The following CXXC4 variants were observed in gnomAD, a reference collection of about 807,000 sequenced individuals.
CXXC4 encodes the protein CXXC finger protein 4.
CXXC4 carries 5 observed loss-of-function variants against 20.5 expected under a neutral mutation model. The ratio of observed to expected loss-of-function variants is 0.24; its 90% CI spans 0.13 to 0.51. The LOEUF (loss-of-function observed/expected upper bound fraction) is 0.51, where lower values mean the gene tolerates loss of function less well. Ranked by LOEUF, CXXC4 falls within the 20% of genes least tolerant of loss-of-function variation. CXXC4 has a pLI of 0.97. For missense variants in CXXC4, 419 were observed against 496.4 expected (o/e 0.84, Z 1.48); for synonymous variants, 250 against 216.4 (o/e 1.16, Z -1.36).
At position 104,491,610 on chromosome 4, in the gene CXXC4, G is replaced by A; in HGVS notation, c.193C>T (p.Arg65Cys). 1.3e-6 allele frequency: 2 copies of A among 1,541,754 alleles called. No homozygotes were observed. Among genetic ancestry groups the A allele is most frequent in the South Asian group, 1.2e-5 (1 of 83,204 alleles). The change falls in exon 2 of 3, where the codon CGC becomes TGC. Residue 65 changes from arginine to cysteine, a missense_variant. Physicochemically the swap from Arg to Cys is radical, Grantham distance 180. Coordinates refer to ENST00000394767, the MANE Select transcript of CXXC4 (RefSeq NM_025212.4). Reference sequence around the variant, plus strand: ...CTGGGGAAGATGGGGGTGGTGATGCGCGCGATCTTGGCCGCCTGTGGGAAG... The same window carrying A: ...CTGGGGAAGATGGGGGTGGTGATGCACGCGATCTTGGCCGCCTGTGGGAAG... Reference protein sequence around the residue: ...GAFPQAAKIARITTPIFPSSA... With the variant: ...GAFPQAAKIACITTPIFPSSA...
rs573684127 is a variant in CXXC4, at chr4:104,469,231, G to A, written c.*3091C>T. 6.6e-6 allele frequency: 1 copy of A among 152,118 alleles called. No homozygotes were observed. The highest frequency in any genetic ancestry group is 2.4e-5 in the African/African-American group (1 of 41,530). 9.4% of individuals were successfully genotyped at this position (152,118 alleles called of 1,614,324 possible). A position where few individuals can be genotyped will look rare whatever the true frequency, so the allele number is the denominator to read the frequency against. On this transcript the variant is annotated 3_prime_UTR_variant, in exon 3 of 3. Transcript: ENST00000394767. ...TTAGTGAGAGGTTTGCATTAATGAT[G>A]TTCTTCGTGATGTTATGGTGCTGAG...
intron 2 of CXXC4, among the ~76,000 whole-genome samples, chr4:104,473,668 T>C (rs541831548): frequency 1.3e-5 from 2 of 152,070 alleles, no homozygotes; most frequent in Admixed American, 1.3e-4. Context: ...GTAAGATGGC[T>C]GCTAAGGATA....
chr4:104,486,676 G>A (rs1736705760), intron 2 of CXXC4, among the ~76,000 whole-genome samples: 2 of 152,056 alleles, frequency 1.3e-5, no homozygotes, highest in African/African-American at 4.8e-5. Context: ...ACTGGTGGAT[G>A]TTTCCATTTA....
At chr4:104,485,160 T>C (rs1736655262) in intron 2 of CXXC4, among the ~76,000 whole-genome samples, 1 of 152,074 alleles carries the variant, frequency 6.6e-6, no homozygotes, top group South Asian at 2.1e-4. Context: ...CCAGCTAAGA[T>C]CATCTGACAT....
intron 2 of CXXC4, among the ~76,000 whole-genome samples, chr4:104,486,847 G>A (rs892636650): frequency 6.6e-6 from 1 of 152,108 alleles, no homozygotes; most frequent in Non-Finnish European, 1.5e-5. Flanking sequence ...CAGGAGGCAG[G>A]TGCCACCTTC....
chr4:104,478,583 C>T (rs999538787), intron 2 of CXXC4, among the ~76,000 whole-genome samples: 1 of 152,092 alleles, frequency 6.6e-6, no homozygotes, highest in African/African-American at 2.4e-5. Context: ...AGTTAAATTT[C>T]GTAAAAATAC....
At chr4:104,485,615 T>C (rs572054610) in intron 2 of CXXC4, among the ~76,000 whole-genome samples, 1 of 152,224 alleles carries the variant, frequency 6.6e-6, no homozygotes, top group East Asian at 1.9e-4. Context: ...GCCTGAGAGA[T>C]ACTCAAATAG....
At chr4:104,480,975 G>A (rs778344266) in intron 2 of CXXC4, among the ~76,000 whole-genome samples, 1 of 149,558 alleles carries the variant, frequency 6.7e-6, no homozygotes, top group Non-Finnish European at 1.5e-5. Context: ...TCTTATTCAG[G>A]TAAAACAAAG....
rs528598493 is a variant in CXXC4 at position 104,476,109 on chromosome 4, T to C, written c.1060-3743A>G. ...TACATTAAAACTAAGGGAATTTCCT[T>C]GAATAAAAGAATGATAAAACCTAAG... On this transcript the variant is annotated intron_variant, in intron 2 of 2. Transcript: ENST00000394767. 9.0e-4 allele frequency among the ~76,000 whole-genome samples: 137 copies of C among 152,264 alleles called. 1 individual carries two copies. The highest frequency in any genetic ancestry group is 3.1e-3 in the African/African-American group (128 of 41,558).
At chr4:104,488,527 C>T (rs1736752764) in intron 2 of CXXC4, among the ~76,000 whole-genome samples, 1 of 152,202 alleles carries the variant, frequency 6.6e-6, no homozygotes, top group Admixed American at 6.5e-5. Context: ...CCTTGAAACA[C>T]AGCCCATGCT....
chr4:104,486,180 G>A (rs1736688903), intron 2 of CXXC4, among the ~76,000 whole-genome samples: 1 of 151,912 alleles, frequency 6.6e-6, no homozygotes, highest in African/African-American at 2.4e-5. Context: ...GATGGGCGAG[G>A]GTACTGTTTT....
At chr4:104,490,339 G>A (rs921010171) in intron 2 of CXXC4, among the ~76,000 whole-genome samples, 1 of 152,110 alleles carries the variant, frequency 6.6e-6, no homozygotes, top group African/African-American at 2.4e-5. Context: ...TGTTATAAAT[G>A]GGCCACTAAC....
intron 2 of CXXC4, among the ~76,000 whole-genome samples, chr4:104,477,167 C>T (rs909140636): frequency 3.3e-5 from 5 of 152,038 alleles, no homozygotes; most frequent in African/African-American, 4.8e-5. Context: ...TAATAATGGA[C>T]CCCACTGTTT....
rs746289278 is a variant in CXXC4, at chr4:104,491,002, G to A, written c.801C>T (p.Val267=). The part of the protein sequence containing the change: ...LHSPAAASAA[V]TDSAFQIANL... ...TGGCAATTTGAAACGCACTGTCTGT[G>A]ACGGCTGCTGAGGCTGCTGCGGGGG... The change falls in exon 2 of 3, where the codon GTC becomes GTT. Residue 267 remains valine (V), a synonymous_variant. Transcript: ENST00000394767. 1.9e-6 allele frequency: 3 copies of A among 1,614,098 alleles called. No individual in the cohort carries two copies. In the East Asian group the frequency reaches 6.7e-5, roughly 36 times the overall value.
At chr4:104,479,468 C>A (rs763937521) in intron 2 of CXXC4, among the ~76,000 whole-genome samples, 6 of 152,014 alleles carry the variant, frequency 3.9e-5, no homozygotes, top group Non-Finnish European at 5.9e-5. Flanking sequence ...CAGAAAATTT[C>A]CTGTTAGGCT....
Position 104,491,869 on chromosome 4 carries a change from AAAGGGGGAAAGGTGGGGGGGAGGG to A in CXXC4, c.-91_-68del. On this transcript the variant is annotated 5_prime_UTR_variant, in exon 2 of 3. Transcript: ENST00000394767. ...CCGCCTGGTCCGACACCTGGGTGGA[AAAGGGGGAAAGGTGGGGGGGAGGG>A]AAGGGAGTGATGGTGGTGTTGGGGT... is the stretch of plus-strand genomic sequence containing the variant. The A allele has an allele frequency of 2.3e-6, 1 of 441,396 alleles. No individual in the cohort carries two copies. The highest frequency in any genetic ancestry group is 2.7e-6 in the Non-Finnish European group (1 of 364,472). The allele number at this position is 441,396 out of a possible 1,614,324, so 27.3% of individuals were successfully genotyped here.
At chr4:104,484,827 T>C (rs1419149041) in intron 2 of CXXC4, among the ~76,000 whole-genome samples, 3 of 151,996 alleles carry the variant, frequency 2.0e-5, no homozygotes, top group Admixed American at 2.0e-4. Flanking sequence ...AAACATATGA[T>C]GCTGAATGGA....
In CXXC4 at chr4:104,491,678, T is replaced by C; in HGVS notation, c.125A>G (p.Tyr42Cys). Reference sequence around the variant, plus strand: ...GTAGAAGGAGGTGGCAAAGGAGCGGTAGCGCTCCATTTCCGAGTTGTAATC... The same window carrying C: ...GTAGAAGGAGGTGGCAAAGGAGCGGCAGCGCTCCATTTCCGAGTTGTAATC... ...LVDYNSEMER[Y>C]RSFATSFYKT... Residue 42 changes from tyrosine (Y) to cysteine (C), a missense_variant, in exon 2 of 3, where the codon TAC (tyrosine) becomes TGC (cysteine). This residue lies in a region of CXXC4 where 388 missense variants were observed against 416.0 expected (regional missense o/e 0.93). Transcript: ENST00000394767. 1 of 1,546,048 alleles carries C rather than the reference T, an allele frequency of 6.5e-7. No homozygotes were observed. Among genetic ancestry groups the C allele is most frequent in the Non-Finnish European group, 8.7e-7 (1 of 1,145,094 alleles).
chr4:104,494,423 A>C (rs139482134), intron 1 of CXXC4: 24 of 152,180 alleles, frequency 1.6e-4, no homozygotes, highest in African/African-American at 5.8e-4. Context: ...GTCCAGCATT[A>C]ATAATCTACT....
Sources: gnomAD v4.1 joint callset for allele counts (sites outside exome capture counted in the v4.1 genomes callset) on GRCh38, gnomAD v4.1.1 for gene constraint, gnomAD v4.1.1 regional missense constraint, MANE v1.5 for transcripts, NCBI Gene and HGNC (gene_info 2026-07-23, HGNC 2026-07-21) for gene names.